The following KYNU variants were observed in gnomAD, a reference collection of about 807,000 sequenced individuals.
The protein encoded by KYNU is L-kynurenine hydrolase.
KYNU carries 54 observed loss-of-function variants against 59.2 expected under a neutral mutation model. That is an observed-to-expected ratio of 0.91 (90% confidence interval 0.73 to 1.14). The LOEUF (loss-of-function observed/expected upper bound fraction) is 1.14. Among genes scored for constraint, KYNU ranks in the 50% most tolerant of loss-of-function variants. The probability of loss-of-function intolerance (pLI) is 0.00; values close to 1 mark genes in which losing one functional copy is unlikely to be tolerated. For missense variants in KYNU, 567 were observed against 554.4 expected, an observed-to-expected ratio of 1.02 and a Z score of -0.23; for synonymous variants, 177 against 192.0, an observed-to-expected ratio of 0.92 and a Z score of 0.65.
At chr2:142,984,800 A>G (rs974038482) in intron 8 of KYNU, among the ~76,000 whole-genome samples, 1 of 151,996 alleles carries the variant, frequency 6.6e-6, no homozygotes, top group Non-Finnish European at 1.5e-5. Context: ...GGCTCCTGCT[A>G]AGGTGGCAGC....
intron 2 of KYNU, among the ~76,000 whole-genome samples, chr2:142,906,560 C>G (rs1035911790): frequency 6.6e-6 from 1 of 152,064 alleles, no homozygotes; most frequent in African/African-American, 2.4e-5. Context: ...CCTAAGGATG[C>G]AGCATAGCGC....
Position 142,986,063 on chromosome 2 carries a change from T to G in KYNU, c.902+42T>G, listed in dbSNP as rs887191684. On this transcript the variant is annotated intron_variant, in intron 10 of 13. Transcript: ENST00000264170. ...GCTAATTCTTTGGTGATGAACAAAT[T>G]AATTTGCATTAATAATATGTTAAAT... is the stretch of plus-strand genomic sequence containing the variant. The G allele has an allele frequency of 3.1e-6, 4 of 1,289,792 alleles. No homozygotes were observed. In the African/African-American group the frequency reaches 4.4e-5, roughly 14 times the overall value. The allele number at this position is 1,289,792 out of a possible 1,614,324, so 79.9% of individuals were successfully genotyped here.
At chr2:142,987,720 G>C (rs1428360447) in intron 10 of KYNU, among the ~76,000 whole-genome samples, 1 of 151,816 alleles carries the variant, frequency 6.6e-6, no homozygotes, top group Admixed American at 6.6e-5. Flanking sequence ...AACACTAAGT[G>C]TATCACTTGA....
chr2:142,939,615 A>AAAAG (rs1683517710), intron 4 of KYNU, among the ~76,000 whole-genome samples: 1 of 150,318 alleles, frequency 6.7e-6, no homozygotes, highest in Non-Finnish European at 1.5e-5. Flanking sequence ...AAAAAAAAAA[A>AAAAG]AAAAAAAGAA....
At chr2:142,983,708 C>G (rs1015289393) in intron 8 of KYNU, among the ~76,000 whole-genome samples, 1 of 152,006 alleles carries the variant, frequency 6.6e-6, no homozygotes, top group African/African-American at 2.4e-5. Flanking sequence ...TCTGTATTTA[C>G]TGTATTTGCA....
chr2:143,023,269 T>A (rs1414025508), intron 10 of KYNU, among the ~76,000 whole-genome samples: 1 of 151,914 alleles, frequency 6.6e-6, no homozygotes, highest in African/African-American at 2.4e-5. Context: ...GCCAGGTAAT[T>A]GAGTCTTTTC....
intron 3 of KYNU, among the ~76,000 whole-genome samples, chr2:142,922,310 G>A (rs1030183039): frequency 6.6e-6 from 1 of 152,144 alleles, no homozygotes; most frequent in Non-Finnish European, 1.5e-5. Flanking sequence ...AGACCAGCTT[G>A]GGCAACATGG....
chr2:142,879,031 G>A (rs916416529), intron 1 of KYNU, among the ~76,000 whole-genome samples: 44 of 152,178 alleles, frequency 2.9e-4, no homozygotes, highest in African/African-American at 1.0e-3. Flanking sequence ...TGTAAAATAT[G>A]TAAAAGTTGA....
intron 8 of KYNU, among the ~76,000 whole-genome samples, chr2:142,969,939 G>A (rs1684666718): frequency 6.6e-6 from 1 of 152,180 alleles, no homozygotes; most frequent in Non-Finnish European, 1.5e-5. Context: ...AAGGAAGGCA[G>A]ATTTAAGTCT....
chr2:142,917,712 A>G (rs891713724), intron 2 of KYNU, among the ~76,000 whole-genome samples: 10 of 152,234 alleles, frequency 6.6e-5, no homozygotes, highest in Non-Finnish European at 8.8e-5. Context: ...TGTAAACAAT[A>G]TATACATATA....
In KYNU at chr2:142,956,235, T is replaced by A. The variant is rs758865880; in HGVS notation, c.468T>A (p.Tyr156Ter). The A allele has an allele frequency of 5.7e-5, 92 of 1,604,298 alleles. No individual in the cohort carries two copies. The highest frequency in any genetic ancestry group is 6.6e-5 in the Non-Finnish European group (77 of 1,171,866). ...TTTTTAAGCCTACGCCAAAACGATA[T>A]AAAATTCTTCTAGAAGCCAAAGCCT... is the stretch of plus-strand genomic sequence containing the variant. ...LSFFKPTPKRYKILLEAKAFP... is the reference protein window; with the variant it reads ...LSFFKPTPKR The change falls in exon 6 of 14, where the codon TAT (tyrosine) becomes TAA (stop). Residue 156 changes from tyrosine (Y) to a stop codon, truncating the protein, a stop_gained. Coordinates refer to ENST00000264170, the MANE Select transcript of KYNU (RefSeq NM_003937.3). LOFTEE classifies it high-confidence loss of function.
At position 142,985,994 on chromosome 2, in the gene KYNU, A is replaced by G. The variant is rs576933121; in HGVS notation, c.875A>G (p.Glu292Gly). The change falls in exon 10 of 14, where the codon GAA becomes GGA. Residue 292 changes from glutamate to glycine, a missense_variant. Coordinates refer to ENST00000264170, the MANE Select transcript of KYNU (RefSeq NM_003937.3). ...GGAATTGCTGGTGCCTTCATTCATG[A>G]AAAGCATGCCCATACGATTAAACCT... ...AGGIAGAFIH[E>G]KHAHTIKPAL... 3 of 1,610,752 alleles carry G rather than the reference A, an allele frequency of 1.9e-6. No individual in the cohort carries two copies. In the South Asian group the frequency reaches 3.3e-5, roughly 18 times the overall value.
At chr2:142,938,983 AAAAT>A (rs1256840736) in intron 4 of KYNU, among the ~76,000 whole-genome samples, 2 of 152,006 alleles carry the variant, frequency 1.3e-5, no homozygotes, top group Non-Finnish European at 2.9e-5. Context: ...ATAAATAAGT[AAAAT>A]AAATAAGAGA....
intron 11 of KYNU, among the ~76,000 whole-genome samples, chr2:143,031,357 G>A (rs1008923527): frequency 9.2e-5 from 14 of 152,106 alleles, no homozygotes; most frequent in South Asian, 2.1e-4. Context: ...ACTCAATTCC[G>A]TCATTGTGGT....
intron 8 of KYNU, among the ~76,000 whole-genome samples, chr2:142,970,597 G>C (rs1684689677): frequency 6.6e-6 from 1 of 152,134 alleles, no homozygotes; most frequent in African/African-American, 2.4e-5. Context: ...GTAAATTGAT[G>C]AATAAAGGTT....
chr2:143,041,392 T>C (rs1355892525), intron 13 of KYNU, among the ~76,000 whole-genome samples: 1 of 152,072 alleles, frequency 6.6e-6, no homozygotes, highest in African/African-American at 2.4e-5. Context: ...TCTGTCCTCT[T>C]TGGAAAGTTC....
At chr2:142,960,884 A>T in intron 8 of KYNU, 114 bp downstream of exon 8, 1 of 1,069,120 alleles carries the variant, frequency 9.4e-7, no homozygotes, top group South Asian at 1.4e-5. Context: ...AAACTATTTC[A>T]AAAGTTAAAA....
In KYNU at chr2:143,044,271, T is replaced by C. The variant is rs58855556; in HGVS notation, c.*2099T>C. On this transcript the variant is annotated 3_prime_UTR_variant, in exon 14 of 14. Transcript: ENST00000264170. Reference sequence around the variant, plus strand: ...TTGAGTTGGTTCCAAGTCTTCGCTATTGTGAATAGTGCTGCAATGAACATA... The same window carrying C: ...TTGAGTTGGTTCCAAGTCTTCGCTACTGTGAATAGTGCTGCAATGAACATA... 23,928 of 152,212 alleles carry C rather than the reference T, an allele frequency of 0.16. 1,969 individuals are homozygous for C. Among genetic ancestry groups the C allele is most frequent in the East Asian group, 0.27 (1,401 of 5,190 alleles). The allele number at this position is 152,212 out of a possible 1,614,324, so 9.4% of individuals were successfully genotyped here.
chr2:142,908,146 G>A (rs577754457), intron 2 of KYNU, among the ~76,000 whole-genome samples: 2 of 152,238 alleles, frequency 1.3e-5, no homozygotes, highest in African/African-American at 4.8e-5. Context: ...TTTAGCCTTT[G>A]GGGGAACTGG....
Sources: allele counts gnomAD v4.1 joint callset (sites outside exome capture counted in the v4.1 genomes callset), GRCh38; gene constraint gnomAD v4.1.1; transcripts MANE v1.5; gene names NCBI Gene and HGNC (gene_info 2026-07-23, HGNC 2026-07-21).